The following CTTNBP2 variants were observed in gnomAD, a reference collection of about 807,000 sequenced individuals.
CTTNBP2 encodes cortactin binding protein 2, also known as cortactin-binding protein 2.
In CTTNBP2, 108 loss-of-function variants were observed where a neutral mutation model predicts 156.9. The ratio of observed to expected loss-of-function variants is 0.69; its 90% CI spans 0.59 to 0.81. The LOEUF (loss-of-function observed/expected upper bound fraction) is 0.81. Among genes scored for constraint, CTTNBP2 ranks in the 30% least tolerant of loss-of-function variants. CTTNBP2 has a pLI of 0.00. For synonymous variants in CTTNBP2, 767 were observed against 751.8 expected, an observed-to-expected ratio of 1.02 and a Z score of -0.33; for missense variants, 1,924 against 2,035.4, an observed-to-expected ratio of 0.95 and a Z score of 1.05.
chr7:117,828,353 G>A (rs1563048517), intron 2 of CTTNBP2, among the ~76,000 whole-genome samples: 1 of 152,112 alleles, frequency 6.6e-6, no homozygotes. Flanking sequence ...CCCCCAGATG[G>A]GTGGCATATG....
At chr7:117,872,979 C>G (rs190990107) in intron 1 of CTTNBP2, among the ~76,000 whole-genome samples, 1 of 152,270 alleles carries the variant, frequency 6.6e-6, no homozygotes, top group African/African-American at 2.4e-5. Flanking sequence ...TCAAATTCGC[C>G]AGGAAACACG....
intron 9 of CTTNBP2, 134 bp downstream of exon 9, chr7:117,766,925 A>G: frequency 4.7e-6 from 3 of 632,776 alleles, no homozygotes; most frequent in Non-Finnish European, 5.7e-6. Flanking sequence ...ACTTACAGTC[A>G]GTATTTTTGC....
chr7:117,748,229 T>C (rs1486803898), intron 12 of CTTNBP2, among the ~76,000 whole-genome samples: 1 of 152,166 alleles, frequency 6.6e-6, no homozygotes, highest in African/African-American at 2.4e-5. Flanking sequence ...TTTATACTTA[T>C]GAGATGGGGA....
At chr7:117,718,405 G>T (rs1049081548) in intron 21 of CTTNBP2, among the ~76,000 whole-genome samples, 1 of 152,104 alleles carries the variant, frequency 6.6e-6, no homozygotes, top group Non-Finnish European at 1.5e-5. Context: ...AGTAAAGAAA[G>T]GATATAAAAT....
rs1243188684 is a variant in CTTNBP2, at chr7:117,721,094, T to C, written c.4484A>G (p.Asn1495Ser). 6.2e-7 allele frequency: 1 copy of C among 1,606,856 alleles called. No homozygotes were observed. Among genetic ancestry groups the C allele is most frequent in the Admixed American group, 1.7e-5 (1 of 59,972 alleles). The change falls in exon 20 of 23, where the codon AAC becomes AGC. Residue 1495 changes from asparagine to serine, a missense_variant. Physicochemically the swap from Asn to Ser is conservative, Grantham distance 46. Transcript: ENST00000160373. ...KNKTISQLNC[N>S]RNASLSKQKS... ...TTGTTTTGACAGAGAAGCATTCCTG[T>C]TACAATTCAGCTGTGATATAGTCTT...
At chr7:117,789,744 C>A (rs1388541430) in intron 4 of CTTNBP2, among the ~76,000 whole-genome samples, 1 of 146,140 alleles carries the variant, frequency 6.8e-6, no homozygotes, top group African/African-American at 2.7e-5. Flanking sequence ...AAGCTCAATA[C>A]CAAGCTGACA....
intron 14 of CTTNBP2, among the ~76,000 whole-genome samples, chr7:117,744,956 A>C (rs141563637): frequency 6.6e-6 from 1 of 152,246 alleles, no homozygotes; most frequent in African/African-American, 2.4e-5. Context: ...ATTTCAACCT[A>C]TCCTTCTCCA....
At chr7:117,769,050 T>C (rs1797670311) in intron 8 of CTTNBP2, among the ~76,000 whole-genome samples, 1 of 152,208 alleles carries the variant, frequency 6.6e-6, no homozygotes, top group African/African-American at 2.4e-5. Context: ...GTTCAGTATA[T>C]AGCAGAGCTG....
chr7:117,761,521 A>C (rs1028915378), intron 9 of CTTNBP2, among the ~76,000 whole-genome samples: 1 of 152,224 alleles, frequency 6.6e-6, no homozygotes, highest in South Asian at 2.1e-4. Flanking sequence ...TATTGAATTA[A>C]GTATTCCATA....
chr7:117,753,868 T>C (rs1022831129), intron 12 of CTTNBP2, among the ~76,000 whole-genome samples: 1 of 152,106 alleles, frequency 6.6e-6, no homozygotes, highest in Non-Finnish European at 1.5e-5. Context: ...ATGGCACACA[T>C]TTACTTATTT....
At chr7:117,748,471 G>A (rs184163010) in intron 12 of CTTNBP2, among the ~76,000 whole-genome samples, 109 of 151,964 alleles carry the variant, frequency 7.2e-4, no homozygotes, top group African/African-American at 2.5e-3. Context: ...TTTTTTCTGC[G>A]AGTATCTGTC....
intron 12 of CTTNBP2, among the ~76,000 whole-genome samples, chr7:117,753,913 A>G (rs1796752418): frequency 6.6e-6 from 1 of 152,196 alleles, no homozygotes; most frequent in Non-Finnish European, 1.5e-5. Context: ...ACGTAAAATA[A>G]AAGTTGAAGG....
chr7:117,719,645 A>G lies in CTTNBP2; in HGVS notation c.4512-9T>C. Reference sequence around the variant, plus strand: ...GATCATTCTCTAAAGACCTAACACAAAGTTCAGAAAAACGTTTTTCAAAGT... The same window carrying G: ...GATCATTCTCTAAAGACCTAACACAGAGTTCAGAAAAACGTTTTTCAAAGT... On this transcript the variant is annotated splice_polypyrimidine_tract_variant and intron_variant, in intron 20 of 22. Coordinates refer to ENST00000160373, the MANE Select transcript of CTTNBP2 (RefSeq NM_033427.3). 1 of 1,602,142 alleles carries G rather than the reference A, an allele frequency of 6.2e-7. No individual in the cohort carries two copies. Among genetic ancestry groups the G allele is most frequent in the South Asian group, 1.1e-5 (1 of 89,480 alleles).
chr7:117,865,584 G>C (rs773949580), intron 1 of CTTNBP2, among the ~76,000 whole-genome samples: 3 of 149,618 alleles, frequency 2.0e-5, no homozygotes, highest in Non-Finnish European at 3.0e-5. Flanking sequence ...GCTGTAGGTG[G>C]GAGAATTGCT....
chr7:117,777,688 T>C lies in CTTNBP2; in HGVS notation c.2601A>G (p.Ile867Met). The C allele has an allele frequency of 6.2e-7, 1 of 1,614,052 alleles. No individual in the cohort carries two copies. The highest frequency in any genetic ancestry group is 8.5e-7 in the Non-Finnish European group (1 of 1,179,916). ...CATTGAAAGAATTTCCATGAGCTGG[T>C]ATTCTATGGTACATAAGAAGCTTGA... ...DSLKLLMYHR[I>M]PAHGNSFNEE... Residue 867 changes from isoleucine to methionine, a missense_variant, in exon 8 of 23, where the codon ATA (isoleucine) becomes ATG (methionine). Ile to Met is a conservative substitution (Grantham distance 10). Transcript: ENST00000160373.
chr7:117,768,091 G>GCACACA (rs34630353), intron 8 of CTTNBP2, among the ~76,000 whole-genome samples: 5 of 148,356 alleles, frequency 3.4e-5, no homozygotes, highest in Non-Finnish European at 7.5e-5. Context: ...TCCTGTAAAT[G>GCACACA]CACACACACA....
intron 22 of CTTNBP2, chr7:117,712,511 A>G (rs991490957): frequency 6.6e-6 from 1 of 152,212 alleles, no homozygotes; most frequent in Non-Finnish European, 1.5e-5. Context: ...AAATTCTGCA[A>G]ACTAACAAAC....
chr7:117,861,376 C>T, intron 1 of CTTNBP2, 60 bp from the exon 2 acceptor site: 1 of 1,163,098 alleles, frequency 8.6e-7, no homozygotes, highest in South Asian at 1.3e-5. Flanking sequence ...ACACACACAT[C>T]CTAAGGGTAT....
chr7:117,802,865 T>G (rs1799715503), intron 3 of CTTNBP2, among the ~76,000 whole-genome samples: 1 of 152,066 alleles, frequency 6.6e-6, no homozygotes, highest in Admixed American at 6.6e-5. Context: ...TGGCTATTAA[T>G]AAAAAGTCAA....
Sources: allele counts gnomAD v4.1 joint callset (sites outside exome capture counted in the v4.1 genomes callset), GRCh38; gene constraint gnomAD v4.1.1; transcripts MANE v1.5; gene names NCBI Gene and HGNC (gene_info 2026-07-23, HGNC 2026-07-21).